ETV1: variants seen among roughly 807,000 people sequenced by gnomAD.
ETV1 encodes the protein ETS translocation variant 1.
ETV1 carries 27 observed loss-of-function variants against 62.3 expected under a neutral mutation model. The observed-to-expected ratio is 0.43, with a 90% CI of 0.32 to 0.60. The LOEUF is 0.60. ETV1 is among the 20% of genes least tolerant of loss of function. The pLI is 0.06. For synonymous variants in ETV1, 222 were observed against 199.6 expected (o/e 1.11, Z -0.94); for missense variants, 605 against 605.8 (o/e 1.00, Z 0.01).
chr7:13,931,564 C>G lies in ETV1; in HGVS notation c.740G>C (p.Ser247Thr). ...CATCAGAGGAGGGGGAAAGCTTTGG[C>G]TGGCCGCACTGCCAACCATGGTGTT... Reference protein sequence around the residue: ...EHNTMVGSAASQSFPPPLMIK... With the variant: ...EHNTMVGSAATQSFPPPLMIK... Residue 247 changes from serine (S) to threonine (T), a missense_variant, in exon 9 of 14, where the codon AGC (serine) becomes ACC (threonine). Around this residue, in one of 3 missense-constraint regions of ETV1, gnomAD observed 426 missense variants for 377.8 expected, o/e 1.13. Transcript: ENST00000430479. The G allele has an allele frequency of 6.2e-7, 1 of 1,614,034 alleles. No homozygotes were observed. The highest frequency in any genetic ancestry group is 8.5e-7 in the Non-Finnish European group (1 of 1,179,882).
rs1781622021 is a variant in ETV1 at position 13,894,752 on chromosome 7, A to C, written c.*1114T>G. On this transcript the variant is annotated 3_prime_UTR_variant, in exon 14 of 14. Coordinates refer to ENST00000430479, the MANE Select transcript of ETV1 (RefSeq NM_004956.5). ...TGAAAGAGAATATTACAGAAAAGAC[A>C]GCAGCAGAAGCATTAGCATTATCTA... 4.3e-6 allele frequency: 1 copy of C among 232,558 alleles called. No homozygotes were observed. The highest frequency in any genetic ancestry group is 8.5e-6 in the Non-Finnish European group (1 of 117,466). 14.4% of individuals were successfully genotyped at this position (232,558 alleles called of 1,614,324 possible). A position where few individuals can be genotyped will look rare whatever the true frequency, so the allele number is the denominator to read the frequency against.
At chr7:13,922,466 TCAGA>T (rs1784955863) in intron 9 of ETV1, among the ~76,000 whole-genome samples, 1 of 152,190 alleles carries the variant, frequency 6.6e-6, no homozygotes. Flanking sequence ...ATTGGAATGT[TCAGA>T]CAGTGGTGGC....
intron 13 of ETV1, 64 bp from the exon 14 acceptor site, chr7:13,896,151 G>A (rs1781751866): frequency 7.1e-7 from 1 of 1,408,906 alleles, no homozygotes; most frequent in Admixed American, 2.1e-5. Context: ...GGACAGGAAG[G>A]AAAAAGCCAA....
chr7:13,960,655 A>G (rs893042820), intron 6 of ETV1, among the ~76,000 whole-genome samples: 3 of 152,056 alleles, frequency 2.0e-5, no homozygotes, highest in Admixed American at 6.5e-5. Flanking sequence ...TCCAAAGCTC[A>G]CATGTTGCCA....
At chr7:13,989,692 C>T (rs2128518548), upstream of ETV1, 1 of 398,526 alleles carries the variant, frequency 2.5e-6, no homozygotes, top group Middle Eastern at 6.3e-4. Flanking sequence ...GGTGGTTTTT[C>T]CTCTACTTCT....
intron 9 of ETV1, among the ~76,000 whole-genome samples, chr7:13,918,382 G>C (rs1784431316): frequency 6.6e-6 from 1 of 152,098 alleles, no homozygotes; most frequent in Non-Finnish European, 1.5e-5. Flanking sequence ...ATCCTCTCCA[G>C]CACCTGTTGT....
chr7:13,942,651 T>C (rs1349714496), intron 6 of ETV1, among the ~76,000 whole-genome samples: 2 of 152,184 alleles, frequency 1.3e-5, no homozygotes, highest in Admixed American at 6.5e-5. Flanking sequence ...AGAACATGCA[T>C]ATATCCAAGT....
At chr7:13,943,728 C>A (rs1359167662) in intron 6 of ETV1, among the ~76,000 whole-genome samples, 2 of 151,740 alleles carry the variant, frequency 1.3e-5, no homozygotes, top group African/African-American at 4.8e-5. Context: ...CTCACAGGTA[C>A]AAAGTTACGG....
Position 13,931,635 on chromosome 7 carries a change from T to C in ETV1, c.669A>G (p.Pro223=), listed in dbSNP as rs985345387. ...GGTACTCCTGCTTAAAGCCTTGTGG[T>C]GGGAAGGGGATGTTTGGCTCAGACA... is the stretch of plus-strand genomic sequence containing the variant. The part of the protein sequence containing the change: ...RQMSEPNIPF[P]PQGFKQEYHD... The change falls in exon 9 of 14, where the codon CCA becomes CCG. Residue 223 remains proline (P), a synonymous_variant. Coordinates refer to ENST00000430479, the MANE Select transcript of ETV1 (RefSeq NM_004956.5). The C allele has an allele frequency of 2.5e-6, 4 of 1,613,894 alleles. No homozygotes were observed. The African/African-American group carries it at 5.3e-5, about 22-fold the overall frequency.
intron 13 of ETV1, among the ~76,000 whole-genome samples, chr7:13,898,135 GA>G (rs1782032892): frequency 1.3e-5 from 2 of 152,172 alleles, no homozygotes; most frequent in Non-Finnish European, 2.9e-5. Context: ...AACAAGGGAT[GA>G]TAACCAACCA....
intron 9 of ETV1, among the ~76,000 whole-genome samples, chr7:13,929,061 A>G (rs761254986): frequency 6.6e-5 from 10 of 152,266 alleles, no homozygotes; most frequent in Non-Finnish European, 1.3e-4. Flanking sequence ...TTTCCACATA[A>G]AGTTTCTTGA....
chr7:13,904,725 C>G (rs1159984892), intron 12 of ETV1, among the ~76,000 whole-genome samples: 1 of 151,978 alleles, frequency 6.6e-6, no homozygotes, highest in African/African-American at 2.4e-5. Context: ...CATGAACCAA[C>G]TCTTGCAGTG....
chr7:13,972,290 G>C (rs1421332322), intron 6 of ETV1, among the ~76,000 whole-genome samples: 1 of 151,946 alleles, frequency 6.6e-6, no homozygotes, highest in African/African-American at 2.4e-5. Context: ...AAATTGGCCG[G>C]GCATGGTGGT....
At chr7:13,962,852 A>T (rs1260122778) in intron 6 of ETV1, among the ~76,000 whole-genome samples, 1 of 152,116 alleles carries the variant, frequency 6.6e-6, no homozygotes, top group Non-Finnish European at 1.5e-5. Context: ...TAAATTTTCC[A>T]TTTTTCTTTT....
rs1781399497 is a variant in ETV1 at position 13,891,800 on chromosome 7, T to A, written c.*4066A>T. On this transcript the variant is annotated 3_prime_UTR_variant, in exon 14 of 14. Coordinates refer to ENST00000430479, the MANE Select transcript of ETV1 (RefSeq NM_004956.5). ...CACTTTTACCCAATTTGTATTTTTT[T>A]AATAATTCTATTTCCTCTCTTCTCC... 2.2e-5 allele frequency: 5 copies of A among 231,864 alleles called. No individual in the cohort carries two copies. The highest frequency in any genetic ancestry group is 6.6e-5 in the African/African-American group (3 of 45,300). The allele number at this position is 231,864 out of a possible 1,614,324, so 14.4% of individuals were successfully genotyped here. A position where few individuals can be genotyped will look rare whatever the true frequency, so the allele number is the denominator to read the frequency against.
chr7:13,923,404 C>T (rs1035660875), intron 9 of ETV1, among the ~76,000 whole-genome samples: 1 of 152,156 alleles, frequency 6.6e-6, no homozygotes, highest in Non-Finnish European at 1.5e-5. Context: ...TAAAAACATT[C>T]CTCTCTTGCC....
intron 13 of ETV1, among the ~76,000 whole-genome samples, chr7:13,898,790 T>A (rs561696287): frequency 2.0e-5 from 3 of 152,184 alleles, no homozygotes; most frequent in Non-Finnish European, 2.9e-5. Context: ...ATAGTTTTCC[T>A]CTGAATGACT....
At chr7:13,925,726 C>G (rs1025021173) in intron 9 of ETV1, among the ~76,000 whole-genome samples, 1 of 132,424 alleles carries the variant, frequency 7.6e-6, no homozygotes, top group Admixed American at 7.3e-5. Flanking sequence ...CCACTGCGCC[C>G]GGCTAATTTT....
In ETV1 at chr7:13,928,168, T is replaced by C. The variant is rs1043343959; in HGVS notation, c.802+3334A>G. On this transcript the variant is annotated intron_variant, in intron 9 of 13. Transcript: ENST00000430479. ...ATGTAATTCTTACAGCACAAGATGC[T>C]GTATTTCGCCCTTATTAGAATTTTA... Among the ~76,000 whole-genome samples the C allele has an allele frequency of 2.6e-5, 4 of 152,236 alleles. No individual in the cohort carries two copies. The South Asian group carries it at 6.2e-4, about 24-fold the overall frequency.
Sources: allele counts gnomAD v4.1 joint callset (sites outside exome capture counted in the v4.1 genomes callset), GRCh38; gene constraint gnomAD v4.1.1; regional missense constraint gnomAD v4.1.1; transcripts MANE v1.5; gene names NCBI Gene and HGNC (gene_info 2026-07-23, HGNC 2026-07-21).